Variants in SPATA13 observed in about 807,000 individuals in gnomAD.
SPATA13 encodes the protein spermatogenesis-associated protein 13.
Under a neutral mutation model 104.0 loss-of-function variants are expected in SPATA13, and 50 were observed. That is an observed-to-expected ratio of 0.48 (90% CI 0.38 to 0.61). The LOEUF (loss-of-function observed/expected upper bound fraction) is 0.61. Among genes scored for constraint, SPATA13 ranks in the 20% least tolerant of loss-of-function variants. SPATA13 has a pLI of 0.00. For missense variants in SPATA13, 1,524 were observed against 1,690.6 expected, an observed-to-expected ratio of 0.90 and a Z score of 1.73; for synonymous variants, 606 against 667.5, an observed-to-expected ratio of 0.91 and a Z score of 1.42.
chr13:24,230,389 G>A (rs1402011064), intron 2 of SPATA13, among the ~76,000 whole-genome samples: 2 of 152,148 alleles, frequency 1.3e-5, no homozygotes, highest in Admixed American at 6.5e-5. Flanking sequence ...CCCCAAAGGC[G>A]GCAGAATGAA....
In SPATA13 at chr13:24,303,032, G is replaced by A. The variant is rs1877321446; in HGVS notation, c.*259G>A. The A allele has an allele frequency of 2.7e-5, 14 of 525,178 alleles. No homozygotes were observed. Among genetic ancestry groups the A allele is most frequent in the South Asian group, 2.7e-4 (13 of 48,808 alleles). 32.5% of individuals were successfully genotyped at this position (525,178 alleles called of 1,614,324 possible). A position where few individuals can be genotyped will look rare whatever the true frequency, so the allele number is the denominator to read the frequency against. On this transcript the variant is annotated 3_prime_UTR_variant, in exon 13 of 13. Coordinates refer to ENST00000382108, the MANE Select transcript of SPATA13 (RefSeq NM_001166271.3). ...TGACCCACTATGAGATGGCCCAGATGTGGGACCCGGTACCATGCTCTAAAG... is the reference window on the plus strand; with the variant it reads ...TGACCCACTATGAGATGGCCCAGATATGGGACCCGGTACCATGCTCTAAAG...
intron 3 of SPATA13, among the ~76,000 whole-genome samples, chr13:24,057,423 T>G (rs1380183791): frequency 6.6e-6 from 1 of 152,140 alleles, no homozygotes; most frequent in Non-Finnish European, 1.5e-5. Context: ...GGTTTTCTGA[T>G]GCTATTAAAT....
intron 1 of SPATA13, among the ~76,000 whole-genome samples, chr13:24,191,497 CTTTCT>C (rs1869744958): frequency 8.3e-6 from 1 of 119,904 alleles, no homozygotes; most frequent in Non-Finnish European, 1.6e-5. Context: ...CTATACATTG[CTTTCT>C]TTTTTTTTTT....
chr13:24,059,811 C>T (rs1028840437), intron 3 of SPATA13, among the ~76,000 whole-genome samples: 2 of 152,148 alleles, frequency 1.3e-5, no homozygotes, highest in Non-Finnish European at 2.9e-5. Context: ...GTTTAACTTC[C>T]TCTTTTCCTA....
chr13:24,013,015 A>T (rs1876545877), intron 2 of SPATA13, among the ~76,000 whole-genome samples: 1 of 152,058 alleles, frequency 6.6e-6, no homozygotes, highest in South Asian at 2.1e-4. Context: ...GCAAAGCCAC[A>T]CTGTGTGAGC....
chr13:24,240,280 C>G (rs1469864701), intron 2 of SPATA13, among the ~76,000 whole-genome samples: 1 of 152,006 alleles, frequency 6.6e-6, no homozygotes, highest in African/African-American at 2.4e-5. Flanking sequence ...AAAATTACAA[C>G]CTACCAATTT....
intron 2 of SPATA13, among the ~76,000 whole-genome samples, chr13:23,993,205 C>G (rs558054551): frequency 1.3e-5 from 2 of 152,244 alleles, no homozygotes; most frequent in Non-Finnish European, 2.9e-5. Flanking sequence ...GGTTCCTAAG[C>G]CTGGCACTTT....
chr13:24,184,305 C>T (rs898941155), intron 1 of SPATA13, among the ~76,000 whole-genome samples: 1 of 152,184 alleles, frequency 6.6e-6, no homozygotes, highest in African/African-American at 2.4e-5. Context: ...AGCCAGATTA[C>T]TTTCCTTATT....
intron 2 of SPATA13, among the ~76,000 whole-genome samples, chr13:23,990,402 C>A (rs1348614860): frequency 6.6e-6 from 1 of 152,142 alleles, no homozygotes; most frequent in Non-Finnish European, 1.5e-5. Flanking sequence ...CTCATTGCCC[C>A]CTCCTTCCTA....
At chr13:24,291,747 TA>T (rs61057177) in intron 9 of SPATA13, among the ~76,000 whole-genome samples, 701 of 34,564 alleles carry the variant, frequency 0.02, 20 homozygotes, top group African/African-American at 0.068. Flanking sequence ...TTTATTTTTT[TA>T]TTTTTTTATT....
intron 3 of SPATA13, among the ~76,000 whole-genome samples, chr13:24,040,869 CA>C (rs1473804385): frequency 2.0e-5 from 3 of 152,182 alleles, no homozygotes; most frequent in Non-Finnish European, 4.4e-5. Flanking sequence ...TGGCCCAACA[CA>C]AGCAGCTTTT....
In SPATA13 at chr13:24,053,583, C is replaced by T. The variant is rs75084673; in HGVS notation, c.-112+35882C>T. ...AGACTTCCCTTGCCACCTGGGCCCA[C>T]GGTGGGAGTATTTTTCTCTATGGCC... On this transcript the variant is annotated intron_variant, in intron 3 of 14. Transcript: ENST00000424834. Among the ~76,000 whole-genome samples the T allele has an allele frequency of 8.6e-3, 1,308 of 152,140 alleles. 30 individuals carry two copies. The highest frequency in any genetic ancestry group is 0.029 in the African/African-American group (1,213 of 41,494).
chr13:24,195,479 T>C (rs1313043527), intron 1 of SPATA13, among the ~76,000 whole-genome samples: 4 of 152,288 alleles, frequency 2.6e-5, no homozygotes, highest in East Asian at 1.9e-4. Flanking sequence ...AGGAGTGGAA[T>C]TGATGGGTCA....
chr13:24,085,902 C>T (rs1879702373), intron 3 of SPATA13, among the ~76,000 whole-genome samples: 1 of 152,252 alleles, frequency 6.6e-6, no homozygotes, highest in Non-Finnish European at 1.5e-5. Flanking sequence ...ACAGAGTAAA[C>T]AAACACTACA....
At chr13:24,068,082 G>T (rs993489682) in intron 3 of SPATA13, among the ~76,000 whole-genome samples, 2 of 152,152 alleles carry the variant, frequency 1.3e-5, no homozygotes, top group South Asian at 4.1e-4. Context: ...ATGGGGGTTT[G>T]TTGTACAGAT....
chr13:24,097,628 A>G (rs1880124583), intron 3 of SPATA13, among the ~76,000 whole-genome samples: 1 of 152,254 alleles, frequency 6.6e-6, no homozygotes, highest in South Asian at 2.1e-4. Flanking sequence ...AAGATAGCCA[A>G]TGATTTCAAA....
At chr13:24,127,250 C>A (rs1480183566) in intron 3 of SPATA13, among the ~76,000 whole-genome samples, 1 of 152,202 alleles carries the variant, frequency 6.6e-6, no homozygotes, top group East Asian at 1.9e-4. Context: ...AGGCCACCCT[C>A]TCCAGCTCTG....
At chr13:24,020,657 G>A (rs1007924536) in intron 3 of SPATA13, among the ~76,000 whole-genome samples, 1 of 152,180 alleles carries the variant, frequency 6.6e-6, no homozygotes, top group Non-Finnish European at 1.5e-5. Context: ...CAGAAGTTAT[G>A]CAGTTAATTA....
Position 24,278,352 on chromosome 13 carries a change from G to A in SPATA13, c.2165-5783G>A, listed in dbSNP as rs560218534. ...TACCTCCCATGTAGCATTGTCATGA[G>A]GATTATATGAGCCGGTTCATCTCCA... On this transcript the variant is annotated intron_variant, in intron 4 of 12. Coordinates refer to ENST00000382108, the MANE Select transcript of SPATA13 (RefSeq NM_001166271.3). 5.3e-5 allele frequency among the ~76,000 whole-genome samples: 8 copies of A among 152,256 alleles called. No individual in the cohort carries two copies. The East Asian group carries it at 1.5e-3, about 29-fold the overall frequency.
Sources: allele counts gnomAD v4.1 joint callset (sites outside exome capture counted in the v4.1 genomes callset), GRCh38; gene constraint gnomAD v4.1.1; transcripts MANE v1.5; gene names NCBI Gene and HGNC (gene_info 2026-07-23, HGNC 2026-07-21).